The following MECOM variants were observed in gnomAD, a reference collection of about 807,000 sequenced individuals.
MECOM encodes the protein histone-lysine N-methyltransferase MECOM.
A neutral mutation model predicts 116.3 loss-of-function variants in MECOM; 13 were observed. The observed-to-expected ratio is 0.11, with a 90% CI of 0.07 to 0.18. The LOEUF (loss-of-function observed/expected upper bound fraction) is 0.18, where lower values mean the gene tolerates loss of function less well. MECOM is among the 10% of genes least tolerant of loss of function. The probability of loss-of-function intolerance (pLI) is 1.00; values close to 1 mark genes in which losing one functional copy is unlikely to be tolerated. For synonymous variants in MECOM, 528 were observed against 535.2 expected (o/e 0.99, Z 0.19); for missense variants, 1,299 against 1,509.0 (o/e 0.86, Z 2.31).
chr3:169,466,179 G>T (rs1048893325), intron 1 of MECOM, among the ~76,000 whole-genome samples: 1 of 152,158 alleles, frequency 6.6e-6, no homozygotes, highest in Admixed American at 6.5e-5. Flanking sequence ...AGTCCAACAG[G>T]CAGCCTCTCA....
intron 1 of MECOM, among the ~76,000 whole-genome samples, chr3:169,612,439 G>A (rs1280538107): frequency 6.6e-6 from 1 of 152,122 alleles, no homozygotes; most frequent in Non-Finnish European, 1.5e-5. Context: ...CATCCAAAGT[G>A]TAATGCACTT....
chr3:169,166,642 G>A (rs897815902), intron 2 of MECOM, among the ~76,000 whole-genome samples: 1 of 131,536 alleles, frequency 7.6e-6, no homozygotes, highest in African/African-American at 2.6e-5. Flanking sequence ...GCAAATGTAC[G>A]AGTTAAATTG....
At chr3:169,267,473 T>C (rs1254871499) in intron 2 of MECOM, among the ~76,000 whole-genome samples, 4 of 152,102 alleles carry the variant, frequency 2.6e-5, no homozygotes, top group Admixed American at 6.6e-5. Flanking sequence ...GATAGGTAAA[T>C]GGAGGCAGGA....
At chr3:169,143,480 G>T (rs938588965) in intron 3 of MECOM, among the ~76,000 whole-genome samples, 1 of 152,028 alleles carries the variant, frequency 6.6e-6, no homozygotes, top group Non-Finnish European at 1.5e-5. Context: ...ATTTATGAAG[G>T]ATACTAGTAC....
intron 1 of MECOM, among the ~76,000 whole-genome samples, chr3:169,631,694 G>A (rs570861460): frequency 7.0e-6 from 1 of 142,418 alleles, no homozygotes; most frequent in South Asian, 2.2e-4. Context: ...TCCCACCTAT[G>A]AGTGAGAATA....
At chr3:169,517,537 A>G (rs1364816164) in intron 1 of MECOM, among the ~76,000 whole-genome samples, 2 of 152,242 alleles carry the variant, frequency 1.3e-5, no homozygotes, top group East Asian at 3.8e-4. Context: ...GGGCTTATGC[A>G]TTAGACTATT....
chr3:169,161,781 GTCTC>G (rs58350630), intron 2 of MECOM, among the ~76,000 whole-genome samples: 10,709 of 150,312 alleles, frequency 0.071, 480 homozygotes, highest in South Asian at 0.19. Flanking sequence ...AAAAAGAAGA[GTCTC>G]TCTCTCTCTC....
chr3:169,614,065 A>C (rs545220932), intron 1 of MECOM, among the ~76,000 whole-genome samples: 19 of 150,096 alleles, frequency 1.3e-4, no homozygotes, highest in Non-Finnish European at 1.2e-4. Flanking sequence ...TTCTTCATTC[A>C]CTTTCCCTCC....
intron 1 of MECOM, among the ~76,000 whole-genome samples, chr3:169,406,766 A>G (rs1736762069): frequency 6.6e-6 from 1 of 151,830 alleles, no homozygotes; most frequent in African/African-American, 2.4e-5. Context: ...CTTCATTAAA[A>G]CCAGTCTTCT....
At chr3:169,109,058 T>C (rs1726412941) in intron 9 of MECOM, among the ~76,000 whole-genome samples, 1 of 152,198 alleles carries the variant, frequency 6.6e-6, no homozygotes, top group Admixed American at 6.5e-5. Flanking sequence ...ATGACTTCCA[T>C]GGATGTTCAA....
intron 2 of MECOM, among the ~76,000 whole-genome samples, chr3:169,378,514 AAAAGAAAGAAAGAAAGAAAGAAAG>A (rs1159428318): frequency 3.7e-4 from 10 of 26,890 alleles, no homozygotes; most frequent in Admixed American, 2.8e-3. Flanking sequence ...AGAAAGAAAG[AAAAGAAAGAAAGAAAGAAAGAAAG>A]AAAGAAAGAA....
chr3:169,569,701 G>A (rs527541979), intron 1 of MECOM, among the ~76,000 whole-genome samples: 1 of 152,168 alleles, frequency 6.6e-6, no homozygotes, highest in Admixed American at 6.5e-5. Flanking sequence ...ACAATGCATA[G>A]AAACTGAACA....
At chr3:169,314,584 A>T (rs796495113) in intron 2 of MECOM, among the ~76,000 whole-genome samples, 6 of 152,358 alleles carry the variant, frequency 3.9e-5, no homozygotes, top group African/African-American at 1.4e-4. Flanking sequence ...GAGAAGAAGA[A>T]ATAAGAAGAG....
intron 1 of MECOM, among the ~76,000 whole-genome samples, chr3:169,521,476 T>C (rs1020694483): frequency 1.4e-4 from 21 of 152,298 alleles, no homozygotes; most frequent in East Asian, 7.7e-4. Context: ...TACTTTTTCA[T>C]TGGAGGAGAG....
At chr3:169,149,973 G>GTC (rs1740931216) in intron 2 of MECOM, among the ~76,000 whole-genome samples, 5 of 138,788 alleles carry the variant, frequency 3.6e-5, no homozygotes, top group African/African-American at 1.4e-4. Flanking sequence ...GTGTGTGTGT[G>GTC]TGTGTCTGTC....
chr3:169,142,421 C>G (rs1577142465), intron 3 of MECOM, among the ~76,000 whole-genome samples: 1 of 151,908 alleles, frequency 6.6e-6, no homozygotes, highest in South Asian at 2.1e-4. Flanking sequence ...ATGTATTTCT[C>G]ACATCTACAG....
At chr3:169,311,431 T>A (rs1718745426) in intron 2 of MECOM, among the ~76,000 whole-genome samples, 2 of 152,200 alleles carry the variant, frequency 1.3e-5, no homozygotes, top group South Asian at 4.1e-4. Context: ...AAAATTTGAA[T>A]GATATACCTA....
intron 2 of MECOM, among the ~76,000 whole-genome samples, chr3:169,144,807 G>A (rs1739265057): frequency 6.6e-6 from 1 of 152,086 alleles, no homozygotes; most frequent in African/African-American, 2.4e-5. Flanking sequence ...ATACAAACGA[G>A]GAAGTTTCCT....
intron 1 of MECOM, among the ~76,000 whole-genome samples, chr3:169,519,557 G>A (rs899700527): frequency 1.3e-5 from 2 of 152,208 alleles, no homozygotes; most frequent in Non-Finnish European, 2.9e-5. Context: ...TTTGTACTAT[G>A]TAAAATGCCC....
Sources: gnomAD v4.1 joint callset for allele counts (sites outside exome capture counted in the v4.1 genomes callset) on GRCh38, gnomAD v4.1.1 for gene constraint, MANE v1.5 for transcripts, NCBI Gene and HGNC (gene_info 2026-07-23, HGNC 2026-07-21) for gene names.